The following FGD4 variants were observed in gnomAD, a reference collection of about 807,000 sequenced individuals.
The protein encoded by FGD4 is FYVE, RhoGEF and PH domain containing 4, also known as FYVE, RhoGEF and PH domain-containing protein 4.
FGD4 carries 42 observed loss-of-function variants against 102.0 expected under a neutral mutation model. The ratio of observed to expected loss-of-function variants is 0.41; its 90% CI spans 0.32 to 0.53. The LOEUF (loss-of-function observed/expected upper bound fraction) is 0.53, where lower values mean the gene tolerates loss of function less well. Ranked by LOEUF, FGD4 falls within the 20% of genes least tolerant of loss-of-function variation. The pLI, the probability that FGD4 is intolerant of heterozygous loss-of-function variation, is 0.21. For missense variants in FGD4, 902 were observed against 1,078.2 expected (o/e 0.84, Z 2.29); for synonymous variants, 380 against 375.7 (o/e 1.01, Z -0.13).
At chr12:32,598,453 C>T (rs1164348276) in intron 4 of FGD4, 44 bp from the exon 5 acceptor site, 1 of 1,317,228 alleles carries the variant, frequency 7.6e-7, no homozygotes, top group Non-Finnish European at 1.1e-6. Flanking sequence ...GAAATATTGT[C>T]CAAGGTATCT....
At chr12:32,408,055 G>A (rs758257566) in intron 1 of FGD4, among the ~76,000 whole-genome samples, 6 of 151,508 alleles carry the variant, frequency 4.0e-5, no homozygotes, top group African/African-American at 9.7e-5. Flanking sequence ...GCTGGAGTGC[G>A]ATGGTGCCAT....
chr12:32,428,583 T>C (rs949174606), intron 1 of FGD4, among the ~76,000 whole-genome samples: 1 of 152,220 alleles, frequency 6.6e-6, no homozygotes, highest in African/African-American at 2.4e-5. Flanking sequence ...TGGTGTTCTC[T>C]GTGTTTCCTG....
chr12:32,489,396 A>G (rs1356507948), intron 1 of FGD4, among the ~76,000 whole-genome samples: 2 of 152,228 alleles, frequency 1.3e-5, no homozygotes, highest in Non-Finnish European at 2.9e-5. Context: ...GTATAGTTTC[A>G]CTGATGACTA....
intron 1 of FGD4, among the ~76,000 whole-genome samples, chr12:32,561,080 T>TTTTTTG: frequency 8.9e-6 from 1 of 112,002 alleles, no homozygotes; most frequent in Non-Finnish European, 1.9e-5. Context: ...GTTTTGTTTT[T>TTTTTTG]TTTTTTTTTT....
chr12:32,407,444 C>A (rs1940993229), intron 1 of FGD4, among the ~76,000 whole-genome samples: 1 of 152,154 alleles, frequency 6.6e-6, no homozygotes, highest in Non-Finnish European at 1.5e-5. Context: ...GTATTTTTAA[C>A]AAGTGCCCAG....
intron 1 of FGD4, among the ~76,000 whole-genome samples, chr12:32,526,034 C>T (rs931652639): frequency 6.6e-6 from 1 of 152,274 alleles, no homozygotes; most frequent in Non-Finnish European, 1.5e-5. Flanking sequence ...TCCCATCGAC[C>T]ACGCAAGGGC....
intron 1 of FGD4, among the ~76,000 whole-genome samples, chr12:32,449,017 A>G (rs1942698429): frequency 6.6e-6 from 1 of 152,236 alleles, no homozygotes; most frequent in Non-Finnish European, 1.5e-5. Flanking sequence ...AGACAGTATT[A>G]ACATTTATAG....
chr12:32,553,864 G>A (rs1223254115), intron 1 of FGD4, among the ~76,000 whole-genome samples: 1 of 152,176 alleles, frequency 6.6e-6, no homozygotes, highest in Admixed American at 6.5e-5. Context: ...CGTAACTTTG[G>A]GAGGCTGAGG....
intron 1 of FGD4, among the ~76,000 whole-genome samples, chr12:32,441,922 A>G (rs1340228011): frequency 2.0e-5 from 3 of 152,026 alleles, no homozygotes; most frequent in Non-Finnish European, 4.4e-5. Flanking sequence ...ACAGGACAGC[A>G]CTGAGTTCAA....
intron 1 of FGD4, among the ~76,000 whole-genome samples, chr12:32,505,224 CTT>C (rs1284383031): frequency 1.2e-4 from 18 of 152,268 alleles, no homozygotes; most frequent in African/African-American, 4.3e-4. Flanking sequence ...AAATTGCCCT[CTT>C]GCTTTCTCCC....
intron 1 of FGD4, among the ~76,000 whole-genome samples, chr12:32,442,651 C>T (rs1019130531): frequency 6.6e-6 from 1 of 150,984 alleles, no homozygotes; most frequent in Non-Finnish European, 1.5e-5. Flanking sequence ...CTCTGCCTCC[C>T]GGGTTCAAGC....
At chr12:32,440,186 C>G (rs1942384253) in intron 1 of FGD4, among the ~76,000 whole-genome samples, 1 of 152,192 alleles carries the variant, frequency 6.6e-6, no homozygotes, top group South Asian at 2.1e-4. Flanking sequence ...TCATGTTTCC[C>G]TGGATGCCGC....
At chr12:32,639,021 A>G in intron 16 of FGD4, 1 of 1,249,240 alleles carries the variant, frequency 8.0e-7, no homozygotes, top group Non-Finnish European at 1.0e-6. Context: ...TTCTTGTCTC[A>G]TTCAATGGGT....
chr12:32,610,327 T>C (rs1175088623), intron 8 of FGD4, among the ~76,000 whole-genome samples: 5 of 152,210 alleles, frequency 3.3e-5, no homozygotes, highest in Non-Finnish European at 7.4e-5. Context: ...TAGTATACAC[T>C]GTAAGTTTCA....
intron 14 of FGD4, among the ~76,000 whole-genome samples, chr12:32,628,840 G>A (rs544586196): frequency 6.8e-4 from 104 of 152,256 alleles, no homozygotes; most frequent in African/African-American, 2.4e-3. Flanking sequence ...AAAATAACCA[G>A]AGAGCTGGGC....
intron 1 of FGD4, among the ~76,000 whole-genome samples, chr12:32,432,351 C>T (rs145141686): frequency 6.7e-5 from 3 of 44,534 alleles, no homozygotes; most frequent in African/African-American, 1.5e-4. Context: ...TGAGCCACCG[C>T]GCCCGACCAA....
chr12:32,604,936 C>T (rs1277110645), intron 7 of FGD4, among the ~76,000 whole-genome samples: 36 of 94,542 alleles, frequency 3.8e-4, no homozygotes, highest in Admixed American at 5.3e-4. Context: ...TTTATAGCTG[C>T]TTTTTTTTTT....
chr12:32,507,447 A>C (rs73301589), intron 1 of FGD4, among the ~76,000 whole-genome samples: 9,734 of 152,234 alleles, frequency 0.064, 781 homozygotes, highest in African/African-American at 0.17. Context: ...AATCTGGTGC[A>C]GTGAAAGTGT....
chr12:32,585,356 T>C (rs1344209655), intron 4 of FGD4, among the ~76,000 whole-genome samples: 1 of 150,438 alleles, frequency 6.6e-6, no homozygotes. Flanking sequence ...GTTCATAATA[T>C]AAGAAAGAAA....
Sources: allele counts gnomAD v4.1 joint callset (sites outside exome capture counted in the v4.1 genomes callset), GRCh38; gene constraint gnomAD v4.1.1; transcripts MANE v1.5; gene names NCBI Gene and HGNC (gene_info 2026-07-23, HGNC 2026-07-21).